The following SLC35A5 variants were observed in gnomAD, a reference collection of about 807,000 sequenced individuals.
SLC35A5 encodes the protein UDP-sugar transporter protein SLC35A5.
A neutral mutation model predicts 36.3 loss-of-function variants in SLC35A5; 28 were observed. The ratio of observed to expected loss-of-function variants is 0.77; its 90% CI spans 0.57 to 1.06. The LOEUF is 1.06. Ranked by LOEUF, SLC35A5 falls within the 50% of genes least tolerant of loss-of-function variation. The pLI, the probability that SLC35A5 is intolerant of heterozygous loss-of-function variation, is 0.00. For synonymous variants in SLC35A5, 180 were observed against 173.7 expected, an observed-to-expected ratio of 1.04 and a Z score of -0.29; for missense variants, 521 against 499.3, an observed-to-expected ratio of 1.04 and a Z score of -0.41.
chr3:112,571,616 C>G (rs1338463575), intron 4 of SLC35A5, among the ~76,000 whole-genome samples: 2 of 152,164 alleles, frequency 1.3e-5, no homozygotes. Flanking sequence ...AATGGACGCA[C>G]AGTTCCACAA....
chr3:112,576,645 A>G (rs1243522789), intron 5 of SLC35A5, among the ~76,000 whole-genome samples: 1 of 152,098 alleles, frequency 6.6e-6, no homozygotes, highest in Non-Finnish European at 1.5e-5. Flanking sequence ...ATCATACAGT[A>G]TTTGTCTTTT....
At position 112,580,481 on chromosome 3, in the gene SLC35A5, T is replaced by A. The variant is rs1934856102; in HGVS notation, c.429-65T>A. 7 of 1,483,888 alleles carry A rather than the reference T, an allele frequency of 4.7e-6. No homozygotes were observed. The South Asian group carries it at 9.8e-5, about 21-fold the overall frequency. The allele number at this position is 1,483,888 out of a possible 1,614,324, so 91.9% of individuals were successfully genotyped here. ...AACCAAATACTCAAGTGTCTGAGTT[T>A]TCAGTAGAAACTATTGATATGGGGG... On this transcript the variant is annotated intron_variant, in intron 5 of 6. Transcript: ENST00000492406.
intron 5 of SLC35A5, among the ~76,000 whole-genome samples, chr3:112,579,272 T>C (rs1434330058): frequency 1.3e-5 from 2 of 152,176 alleles, no homozygotes; most frequent in Non-Finnish European, 2.9e-5. Context: ...TCTGTTAGGT[T>C]AACTGTTTCC....
At position 112,569,195 on chromosome 3, in the gene SLC35A5, C is replaced by G; in HGVS notation, c.155C>G (p.Thr52Ser). The G allele has an allele frequency of 6.2e-7, 1 of 1,613,454 alleles. No homozygotes were observed. The highest frequency in any genetic ancestry group is 8.5e-7 in the Non-Finnish European group (1 of 1,179,734). ...NEENKYDYLP[T>S]TVNVCSELVK... The stretch of plus-strand genomic sequence containing the variant: ...GAAAACAAGTATGATTATCTTCCAA[C>G]TACTGTGAATGTGTGCTCAGAACTG... Residue 52 changes from threonine to serine, a missense_variant, in exon 3 of 7, where the codon ACT (threonine) becomes AGT (serine). Thr to Ser is a moderately conservative substitution (Grantham distance 58). Transcript: ENST00000492406.
At chr3:112,569,861 C>T (rs926205011) in intron 3 of SLC35A5, among the ~76,000 whole-genome samples, 2 of 152,334 alleles carry the variant, frequency 1.3e-5, no homozygotes, top group South Asian at 4.1e-4. Flanking sequence ...CTTTCATATA[C>T]CTTCACACAT....
intron 5 of SLC35A5, among the ~76,000 whole-genome samples, chr3:112,577,737 G>T (rs755340488): frequency 1.3e-5 from 2 of 152,178 alleles, no homozygotes; most frequent in Non-Finnish European, 2.9e-5. Flanking sequence ...GTAAAGTTTA[G>T]TTACTGTCTG....
rs1576742699 is a variant in SLC35A5, at chr3:112,565,166, C to T, written c.130+1633C>T. Reference sequence around the variant, plus strand: ...AAGTGCATAAGATATAGACCTTGTCCTCAAGACTTAGTTTATTAGGAGAGA... The same window carrying T: ...AAGTGCATAAGATATAGACCTTGTCTTCAAGACTTAGTTTATTAGGAGAGA... On this transcript the variant is annotated intron_variant, in intron 2 of 6. Coordinates refer to ENST00000492406, the MANE Select transcript of SLC35A5 (RefSeq NM_017945.5). 2.0e-5 allele frequency among the ~76,000 whole-genome samples: 3 copies of T among 151,476 alleles called. No individual in the cohort carries two copies. The East Asian group carries it at 5.8e-4, about 29-fold the overall frequency.
At position 112,581,259 on chromosome 3, in the gene SLC35A5, C is replaced by T. The variant is rs372446123; in HGVS notation, c.1142C>T (p.Pro381Leu). The change falls in exon 6 of 7, where the codon CCG becomes CTG. Residue 381 changes from proline (P) to leucine (L), a missense_variant. Physicochemically the swap from Pro to Leu is moderately conservative, Grantham distance 98. Transcript: ENST00000492406. ...TATAATGCCAGCAAGCCTCAAGTTC[C>T]GGAATACGCACCTAGGCAAGAAAGG... ...FIYNASKPQVPEYAPRQERIR... is the reference protein window; with the variant it reads ...FIYNASKPQVLEYAPRQERIR... 1.2e-5 allele frequency: 20 copies of T among 1,613,730 alleles called. No homozygotes were observed. Among genetic ancestry groups the T allele is most frequent in the African/African-American group, 1.2e-4 (9 of 74,946 alleles).
chr3:112,582,321 C>T (rs1167148367), intron 6 of SLC35A5, among the ~76,000 whole-genome samples: 5 of 152,000 alleles, frequency 3.3e-5, no homozygotes, highest in South Asian at 2.1e-4. Context: ...TTCCAACAGC[C>T]GATAATGCCA....
chr3:112,582,611 C>CCTTAGTAAT (rs5851844), intron 6 of SLC35A5, 60 bp from the exon 7 acceptor site: 1,182,064 of 1,198,592 alleles, frequency 0.99, 582,993 homozygotes, highest in Admixed American at 0.99. Context: ...TAAGGTTTTC[C>CCTTAGTAAT]CTTTAAAAAT....
At chr3:112,564,825 G>C (rs534925285) in intron 2 of SLC35A5, among the ~76,000 whole-genome samples, 2 of 152,330 alleles carry the variant, frequency 1.3e-5, no homozygotes, top group South Asian at 4.1e-4. Context: ...CTGCCTTCAA[G>C]CATTTGTTTA....
intron 2 of SLC35A5, among the ~76,000 whole-genome samples, chr3:112,565,511 G>A (rs1934154400): frequency 6.6e-6 from 1 of 152,200 alleles, no homozygotes; most frequent in Non-Finnish European, 1.5e-5. Context: ...AGGCACAGTG[G>A]CTCATGCTGT....
chr3:112,583,134 C>A lies in SLC35A5; in HGVS notation c.*398C>A. 1 of 398,650 alleles carries A rather than the reference C, an allele frequency of 2.5e-6. No homozygotes were observed. The highest frequency in any genetic ancestry group is 2.1e-5 in the African/African-American group (1 of 48,690). The allele number at this position is 398,650 out of a possible 1,614,324, so 24.7% of individuals were successfully genotyped here. Reference sequence around the variant, plus strand: ...TTCTAGTTTACATGCCAAAGTCTTCCCTTTTTAACATTATAAAAGCTAGGT... The same window carrying A: ...TTCTAGTTTACATGCCAAAGTCTTCACTTTTTAACATTATAAAAGCTAGGT... On this transcript the variant is annotated 3_prime_UTR_variant, in exon 7 of 7. Transcript: ENST00000492406.
chr3:112,570,499 G>A, intron 3 of SLC35A5, 41 bp from the exon 4 acceptor site: 2 of 1,563,454 alleles, frequency 1.3e-6, no homozygotes, highest in Non-Finnish European at 8.6e-7. Flanking sequence ...AAAAATGTGG[G>A]CATTCTCATC....
intron 2 of SLC35A5, among the ~76,000 whole-genome samples, chr3:112,566,268 A>G (rs1227864820): frequency 1.3e-5 from 2 of 152,200 alleles, no homozygotes; most frequent in African/African-American, 4.8e-5. Context: ...AAAAGATTGT[A>G]GTTGAAGAGG....
At chr3:112,579,042 T>A (rs1429312045) in intron 5 of SLC35A5, among the ~76,000 whole-genome samples, 1 of 152,224 alleles carries the variant, frequency 6.6e-6, no homozygotes, top group Non-Finnish European at 1.5e-5. Context: ...TACATACATA[T>A]GAGAAAGCAT....
chr3:112,561,713 C>A (rs1933895609), upstream of SLC35A5: 2 of 604,906 alleles, frequency 3.3e-6, no homozygotes, highest in Non-Finnish European at 5.6e-6. Flanking sequence ...GCAGGCACAG[C>A]GCGCGAAGAC....
chr3:112,578,183 T>G (rs777801530), intron 5 of SLC35A5, among the ~76,000 whole-genome samples: 2 of 152,242 alleles, frequency 1.3e-5, no homozygotes, highest in African/African-American at 2.4e-5. Flanking sequence ...TTGAAGTTCC[T>G]TAGCTCACCT....
In SLC35A5 at chr3:112,583,946, C is replaced by G. The variant is rs1180035174; in HGVS notation, c.*1210C>G. On this transcript the variant is annotated 3_prime_UTR_variant, in exon 7 of 7. Coordinates refer to ENST00000492406, the MANE Select transcript of SLC35A5 (RefSeq NM_017945.5). ...TGATAGAAGAGTGGGCTTTAACTGG[C>G]AGGCCTGTATGTTTACAGACTACCA... is the stretch of plus-strand genomic sequence containing the variant. The G allele has an allele frequency of 6.6e-6, 1 of 152,072 alleles. No individual in the cohort carries two copies. The highest frequency in any genetic ancestry group is 1.5e-5 in the Non-Finnish European group (1 of 68,012). 9.4% of individuals were successfully genotyped at this position (152,072 alleles called of 1,614,324 possible).
Sources: gnomAD v4.1 joint callset for allele counts (sites outside exome capture counted in the v4.1 genomes callset) on GRCh38, gnomAD v4.1.1 for gene constraint, MANE v1.5 for transcripts, NCBI Gene and HGNC (gene_info 2026-07-23, HGNC 2026-07-21) for gene names.